The following DHRS2 variants were observed in gnomAD, a reference collection of about 807,000 sequenced individuals.
DHRS2 encodes dehydrogenase/reductase SDR family member 2, mitochondrial.
Under a neutral mutation model 26.3 loss-of-function variants are expected in DHRS2, and 29 were observed. That is an observed-to-expected ratio of 1.10 (90% CI 0.82 to 1.50). The LOEUF (loss-of-function observed/expected upper bound fraction) is 1.50, where lower values mean the gene tolerates loss of function less well. Ranked by LOEUF, DHRS2 falls within the 40% of genes most tolerant of loss-of-function variation. The pLI, the probability that DHRS2 is intolerant of heterozygous loss-of-function variation, is 0.00. For synonymous variants in DHRS2, 164 were observed against 151.3 expected, an observed-to-expected ratio of 1.08 and a Z score of -0.62; for missense variants, 439 against 367.1, an observed-to-expected ratio of 1.20 and a Z score of -1.60.
chr14:23,642,171 A>G (rs888121357), intron 4 of DHRS2: 2 of 1,024,234 alleles, frequency 2.0e-6, no homozygotes, highest in Non-Finnish European at 2.3e-6. Flanking sequence ...CCCTGTTTGT[A>G]TTGGCTGCAG....
intron 4 of DHRS2, chr14:23,641,761 A>G (rs1890682383): frequency 2.3e-6 from 3 of 1,289,272 alleles, no homozygotes; most frequent in South Asian, 1.2e-5. Context: ...CAAATGGGCC[A>G]CAGCAACATT....
At chr14:23,636,904 C>G (rs1438116515) in intron 1 of DHRS2, 132 bp downstream of exon 1, 1 of 152,206 alleles carries the variant, frequency 6.6e-6, no homozygotes, top group Non-Finnish European at 1.5e-5. Flanking sequence ...ACGTGGGTGT[C>G]AGGCTTTCTG....
At position 23,639,418 on chromosome 14, in the gene DHRS2, C is replaced by T. The variant is rs547375774; in HGVS notation, c.318+62C>T. 1.3e-5 allele frequency: 19 copies of T among 1,489,616 alleles called. No individual in the cohort carries two copies. In the South Asian group the frequency reaches 2.5e-4, roughly 19 times the overall value. The allele number at this position is 1,489,616 out of a possible 1,614,324, so 92.3% of individuals were successfully genotyped here. A position where few individuals can be genotyped will look rare whatever the true frequency, so the allele number is the denominator to read the frequency against. On this transcript the variant is annotated intron_variant, in intron 3 of 8. Transcript: ENST00000250383. ...AACATGCAGAACCTTTCCTTCACTG[C>T]TTGGCCCTTGTGGGGTGGGTCTAGA...
At chr14:23,639,709 C>T (rs1466532768) in intron 3 of DHRS2, 85 bp from the exon 4 acceptor site, 4 of 1,402,224 alleles carry the variant, frequency 2.9e-6, no homozygotes, top group Non-Finnish European at 2.9e-6. Context: ...GCAAGCTTTG[C>T]CTGAAGGCCT....
chr14:23,637,006 G>A (rs1031767937), intron 1 of DHRS2, among the ~76,000 whole-genome samples: 1 of 152,142 alleles, frequency 6.6e-6, no homozygotes, highest in African/African-American at 2.4e-5. Context: ...CTTCTGGGCT[G>A]AGCTGAGGGT....
rs78136100 is a variant in DHRS2, at chr14:23,639,526, C to T, written c.318+170C>T. 1.2e-4 allele frequency among the ~76,000 whole-genome samples: 18 copies of T among 152,214 alleles called. No homozygotes were observed. The East Asian group carries it at 2.5e-3, about 21-fold the overall frequency. The stretch of plus-strand genomic sequence containing the variant: ...AGGTCCCTCAGGAAAGTGACCTGTT[C>T]GTGAGAGGACCCTCACCCCACCCCC... On this transcript the variant is annotated intron_variant, in intron 3 of 8. Coordinates refer to ENST00000250383, the MANE Select transcript of DHRS2 (RefSeq NM_005794.4).
intron 1 of DHRS2, among the ~76,000 whole-genome samples, 164 bp downstream of exon 1, chr14:23,636,936 C>T (rs1419057882): frequency 6.6e-6 from 1 of 152,194 alleles, no homozygotes; most frequent in Non-Finnish European, 1.5e-5. Context: ...TCTAACAACC[C>T]CTGGCTCTGT....
chr14:23,639,879 A>G lies in DHRS2; in HGVS notation c.404A>G (p.Glu135Gly). The change falls in exon 4 of 9, where the codon GAG (glutamate) becomes GGG (glycine). Residue 135 changes from glutamate (E) to glycine (G), a missense_variant. Physicochemically the swap from Glu to Gly is moderately conservative, Grantham distance 98. Transcript: ENST00000250383. ...PLVGSTLGTS[E>G]QIWDKILSVN... The stretch of plus-strand genomic sequence containing the variant: ...GTAGGGAGCACTCTGGGGACCAGTG[A>G]GCAGATCTGGGACAAGGTGAGAGGC... 6.2e-7 allele frequency: 1 copy of G among 1,606,128 alleles called. No individual in the cohort carries two copies. The highest frequency in any genetic ancestry group is 8.5e-7 in the Non-Finnish European group (1 of 1,176,146).
At chr14:23,641,980 G>T in intron 4 of DHRS2, 1 of 1,132,230 alleles carries the variant, frequency 8.8e-7, no homozygotes, top group Non-Finnish European at 1.1e-6. Flanking sequence ...CTAGCTCCCA[G>T]GCTCCGCCTC....
chr14:23,640,238 A>G (rs1890585047), intron 4 of DHRS2: 3 of 999,962 alleles, frequency 3.0e-6, no homozygotes, highest in African/African-American at 3.5e-5. Flanking sequence ...TCTCTCTGTA[A>G]GAGTCAAACA....
At chr14:23,639,692 G>A in intron 3 of DHRS2, 102 bp from the exon 4 acceptor site, 1 of 1,291,490 alleles carries the variant, frequency 7.7e-7, no homozygotes, top group Admixed American at 2.8e-5. Flanking sequence ...TTTCCTTTAG[G>A]AGCTCTGCAA....
intron 1 of DHRS2, 147 bp from the exon 2 acceptor site, chr14:23,638,680 G>A (rs887631979): frequency 4.1e-6 from 3 of 738,624 alleles, no homozygotes; most frequent in South Asian, 3.9e-5. Context: ...CTGACCTGAG[G>A]TTCACATGTT....
chr14:23,631,811 G>A (rs1890126022), upstream of DHRS2, among the ~76,000 whole-genome samples: 1 of 152,178 alleles, frequency 6.6e-6, no homozygotes, highest in Non-Finnish European at 1.5e-5. Context: ...ATAAGTGAGT[G>A]GGGTAGGGTG....
chr14:23,638,931 A>T lies in DHRS2; in HGVS notation c.67A>T (p.Met23Leu), dbSNP rs769025294. ...FHPCARLSVR[M>L]SSTGIDRKGV... ...TCCCTGTGCTAGGCTTTCTGTGAGGATGAGCAGCACCGGGATAGACAGGAA... is the reference window on the plus strand; with the variant it reads ...TCCCTGTGCTAGGCTTTCTGTGAGGTTGAGCAGCACCGGGATAGACAGGAA... The change falls in exon 2 of 9, where the codon ATG (methionine) becomes TTG (leucine). Residue 23 changes from methionine to leucine, a missense_variant. By Grantham distance (15) the Met-to-Leu change is conservative. Coordinates refer to ENST00000250383, the MANE Select transcript of DHRS2 (RefSeq NM_005794.4). 5 of 1,614,142 alleles carry T rather than the reference A, an allele frequency of 3.1e-6. No individual in the cohort carries two copies. The highest frequency in any genetic ancestry group is 2.2e-5 in the South Asian group (2 of 91,076).
chr14:23,645,082 G>T (rs1045235930), intron 8 of DHRS2, 60 bp from the exon 9 acceptor site: 1 of 1,608,166 alleles, frequency 6.2e-7, no homozygotes, highest in African/African-American at 1.3e-5. Context: ...TCATCCGTGA[G>T]CCCCAGAGCA....
intron 7 of DHRS2, 54 bp downstream of exon 7, chr14:23,644,597 C>G: frequency 6.2e-7 from 1 of 1,613,628 alleles, no homozygotes; most frequent in African/African-American, 1.3e-5. Context: ...GGAACCCTTC[C>G]CAGTGAATAA....
At chr14:23,638,610 T>G in intron 1 of DHRS2, 1 of 447,570 alleles carries the variant, frequency 2.2e-6, no homozygotes, top group Non-Finnish European at 4.0e-6. Context: ...GAGTCTCACA[T>G]TTTAATTTGT....
chr14:23,644,586 G>A (rs756197072), intron 7 of DHRS2, 43 bp downstream of exon 7: 1 of 1,614,064 alleles, frequency 6.2e-7, no homozygotes, highest in Non-Finnish European at 8.5e-7. Flanking sequence ...CTGGCTCAGT[G>A]GGAACCCTTC....
At chr14:23,631,780 GCTGA>G (rs1407264120), upstream of DHRS2, among the ~76,000 whole-genome samples, 1 of 152,190 alleles carries the variant, frequency 6.6e-6, no homozygotes, top group Non-Finnish European at 1.5e-5. Flanking sequence ...AGCTGACCGA[GCTGA>G]CTGTTTTGGG....
Sources: allele counts gnomAD v4.1 joint callset (sites outside exome capture counted in the v4.1 genomes callset), GRCh38; gene constraint gnomAD v4.1.1; transcripts MANE v1.5; gene names NCBI Gene and HGNC (gene_info 2026-07-23, HGNC 2026-07-21).